The following NDUFS7 variants were observed in gnomAD, a reference collection of about 807,000 sequenced individuals.
NDUFS7 encodes the protein NADH:ubiquinone oxidoreductase core subunit S7.
A neutral mutation model predicts 31.1 loss-of-function variants in NDUFS7; 11 were observed. That is an observed-to-expected ratio of 0.35 (90% CI 0.22 to 0.59). The LOEUF (loss-of-function observed/expected upper bound fraction) is 0.59. NDUFS7 is among the 20% of genes least tolerant of loss of function. The pLI is 0.79. For missense variants in NDUFS7, 263 were observed against 324.2 expected, an observed-to-expected ratio of 0.81 and a Z score of 1.45; for synonymous variants, 136 against 127.9, an observed-to-expected ratio of 1.06 and a Z score of -0.43.
chr19:1,394,478 CTGGGGACTGCGCTCCTCCCTCCT>C (rs1391229567), intron 7 of NDUFS7: 15 of 1,233,678 alleles, frequency 1.2e-5, no homozygotes, highest in African/African-American at 5.8e-5. Context: ...TGCTCCCTGT[CTGGGGACTGCGCTCCTCCCTCCT>C]TGGGGACCGT....
chr19:1,385,003 T>TG (rs1009970358), intron 1 of NDUFS7, among the ~76,000 whole-genome samples: 5 of 152,022 alleles, frequency 3.3e-5, no homozygotes, highest in Non-Finnish European at 7.4e-5. Context: ...TTAGTAGAGA[T>TG]GGGGGTCTTG....
At chr19:1,388,657 C>A (rs1344253338) in intron 3 of NDUFS7, 64 bp downstream of exon 3, 2 of 1,545,810 alleles carry the variant, frequency 1.3e-6, no homozygotes, top group South Asian at 1.2e-5. Context: ...TCCTTATTTT[C>A]TGCATCAGTG....
intron 7 of NDUFS7, 87 bp from the exon 8 acceptor site, chr19:1,395,304 C>A: frequency 6.6e-7 from 1 of 1,518,174 alleles, no homozygotes; most frequent in Non-Finnish European, 8.9e-7. Context: ...GCCCGGGAAA[C>A]CCTTCCAAAG....
At position 1,390,563 on chromosome 19, in the gene NDUFS7, C is replaced by T. The variant is rs540988135; in HGVS notation, c.229-308C>T. 5.3e-4 allele frequency: 282 copies of T among 528,588 alleles called. 7 individuals carry two copies. The South Asian group carries it at 5.6e-3, about 11-fold the overall frequency. 32.7% of individuals were successfully genotyped at this position (528,588 alleles called of 1,614,324 possible). A position where few individuals can be genotyped will look rare whatever the true frequency, so the allele number is the denominator to read the frequency against. The stretch of plus-strand genomic sequence containing the variant: ...CGCTACTACTCGCCTGTAGCCCACG[C>T]GCTCAGAGAGTGGCTGGAGCCCCCT... On this transcript the variant is annotated intron_variant, in intron 4 of 7. Coordinates refer to ENST00000233627, the MANE Select transcript of NDUFS7 (RefSeq NM_024407.5).
At chr19:1,384,117 G>A (rs1346938912) in intron 1 of NDUFS7, 175 bp downstream of exon 1, 2 of 692,380 alleles carry the variant, frequency 2.9e-6, no homozygotes, top group East Asian at 3.2e-5. Flanking sequence ...AACGGTCGCC[G>A]TTATTGCGTC....
chr19:1,387,359 C>T (rs2082514166), intron 1 of NDUFS7, among the ~76,000 whole-genome samples: 1 of 152,240 alleles, frequency 6.6e-6, no homozygotes, highest in African/African-American at 2.4e-5. Context: ...TGCCGGCAAC[C>T]GGAGGACCTG....
At chr19:1,394,329 A>G in intron 7 of NDUFS7, 1 of 1,276,298 alleles carries the variant, frequency 7.8e-7, no homozygotes, top group Non-Finnish European at 1.0e-6. Context: ...TGGGGTCAGG[A>G]GCTCTGCCCA....
intron 1 of NDUFS7, among the ~76,000 whole-genome samples, chr19:1,385,869 C>T (rs1477257998): frequency 6.6e-6 from 1 of 152,142 alleles, no homozygotes; most frequent in African/African-American, 2.4e-5. Flanking sequence ...CACAGAATCC[C>T]ATCACCTCAG....
At position 1,388,531 on chromosome 19, in the gene NDUFS7, C is replaced by G; in HGVS notation, c.60C>G (p.Ser20Arg). 1 of 1,611,092 alleles carries G rather than the reference C, an allele frequency of 6.2e-7. No individual in the cohort carries two copies. The highest frequency in any genetic ancestry group is 8.5e-7 in the Non-Finnish European group (1 of 1,179,828). ...RGFRILGLRS[S>R]VGPAVQARGV... is the part of the protein sequence containing the mutation. ...GCGTTCCATCTCCCGGCAGCTCCAGCGTGGGCCCGGCTGTGCAGGCACGAG... is the reference window on the plus strand; with the variant it reads ...GCGTTCCATCTCCCGGCAGCTCCAGGGTGGGCCCGGCTGTGCAGGCACGAG... The change falls in exon 3 of 8, where the codon AGC becomes AGG. Residue 20 changes from serine (S) to arginine (R), a missense_variant. Coordinates refer to ENST00000233627, the MANE Select transcript of NDUFS7 (RefSeq NM_024407.5).
At chr19:1,384,666 G>A (rs1396188457) in intron 1 of NDUFS7, among the ~76,000 whole-genome samples, 3 of 152,190 alleles carry the variant, frequency 2.0e-5, no homozygotes, top group African/African-American at 7.2e-5. Flanking sequence ...ACTGTGATTT[G>A]GAAGGAGTGA....
intron 1 of NDUFS7, among the ~76,000 whole-genome samples, chr19:1,385,836 C>T (rs973281749): frequency 1.3e-5 from 2 of 152,056 alleles, no homozygotes; most frequent in Non-Finnish European, 2.9e-5. Flanking sequence ...ACAACAACAA[C>T]AACAAAAACC....
rs969649128 is a variant in NDUFS7 at position 1,390,519 on chromosome 19, G to C, written c.229-352G>C. 7.2e-6 allele frequency: 3 copies of C among 418,702 alleles called. No individual in the cohort carries two copies. In the Admixed American group the frequency reaches 1.2e-4, roughly 16 times the overall value. 25.9% of individuals were successfully genotyped at this position (418,702 alleles called of 1,614,324 possible). A position where few individuals can be genotyped will look rare whatever the true frequency, so the allele number is the denominator to read the frequency against. Reference sequence around the variant, plus strand: ...TGGACCCAGATCTAGTTAACGCAGAGAGTTCCCGGTTAGACCTGCGCTACT... The same window carrying C: ...TGGACCCAGATCTAGTTAACGCAGACAGTTCCCGGTTAGACCTGCGCTACT... On this transcript the variant is annotated intron_variant, in intron 4 of 7. Transcript: ENST00000233627.
At chr19:1,384,393 C>T (rs988443685) in intron 1 of NDUFS7, among the ~76,000 whole-genome samples, 1 of 152,200 alleles carries the variant, frequency 6.6e-6, no homozygotes, top group African/African-American at 2.4e-5. Flanking sequence ...CCTGCTGGAC[C>T]CTCCACCTCC....
At chr19:1,384,311 A>T (rs1485891671) in intron 1 of NDUFS7, among the ~76,000 whole-genome samples, 1 of 152,092 alleles carries the variant, frequency 6.6e-6, no homozygotes, top group African/African-American at 2.4e-5. Flanking sequence ...TGGGAAACTG[A>T]GGCCCATTGA....
At chr19:1,394,301 G>A in intron 7 of NDUFS7, 3 of 1,216,076 alleles carry the variant, frequency 2.5e-6, no homozygotes, top group Non-Finnish European at 3.2e-6. Flanking sequence ...TGACTTGACA[G>A]CACAGAGAGG....
chr19:1,394,801 C>T (rs1006523449), intron 7 of NDUFS7: 85 of 1,174,848 alleles, frequency 7.2e-5, no homozygotes, highest in Non-Finnish European at 7.8e-5. Context: ...TGTCCTTTCT[C>T]ACCTGTTTCC....
rs1454318197 is a variant in NDUFS7 at position 1,390,903 on chromosome 19, C to G, written c.261C>G (p.Ala87=). 3 of 1,611,238 alleles carry G rather than the reference C, an allele frequency of 1.9e-6. No individual in the cohort carries two copies. Among genetic ancestry groups the G allele is most frequent in the Non-Finnish European group, 2.5e-6 (3 of 1,179,846 alleles). Reference sequence around the variant, plus strand: ...TGTGGCCCATGACCTTCGGCCTGGCCTGCTGCGCCGTGGAGATGATGCACA... The same window carrying G: ...TGTGGCCCATGACCTTCGGCCTGGCGTGCTGCGCCGTGGAGATGATGCACA... ...SSLWPMTFGL[A]CCAVEMMHMA... Residue 87 remains alanine, a synonymous_variant, in exon 5 of 8, where the codon GCC becomes GCG. Coordinates refer to ENST00000233627, the MANE Select transcript of NDUFS7 (RefSeq NM_024407.5).
intron 4 of NDUFS7, chr19:1,390,657 T>G: frequency 6.7e-6 from 4 of 599,196 alleles, no homozygotes; most frequent in African/African-American, 1.9e-5. Flanking sequence ...TCTCACCCGT[T>G]TCTCTCTATT....
chr19:1,388,193 G>A (rs1446220270), intron 2 of NDUFS7: 3 of 587,158 alleles, frequency 5.1e-6, no homozygotes, highest in Non-Finnish European at 9.1e-6. Flanking sequence ...ACAGGGCGGT[G>A]AGGGCGCATG....
Sources: gnomAD v4.1 joint callset for allele counts (sites outside exome capture counted in the v4.1 genomes callset) on GRCh38, gnomAD v4.1.1 for gene constraint, MANE v1.5 for transcripts, NCBI Gene and HGNC (gene_info 2026-07-23, HGNC 2026-07-21) for gene names.